PPM1H: variants seen among roughly 807,000 people sequenced by gnomAD.
The protein encoded by PPM1H is protein phosphatase 1H.
PPM1H carries 27 observed loss-of-function variants against 54.9 expected under a neutral mutation model. The observed-to-expected ratio is 0.49, with a 90% CI of 0.36 to 0.68. The LOEUF is 0.68. PPM1H is among the 30% of genes least tolerant of loss of function. The pLI is 0.00. For synonymous variants in PPM1H, 305 were observed against 270.8 expected, an observed-to-expected ratio of 1.13 and a Z score of -1.24; for missense variants, 596 against 667.8, an observed-to-expected ratio of 0.89 and a Z score of 1.19.
intron 6 of PPM1H, among the ~76,000 whole-genome samples, chr12:62,703,564 C>T (rs995479560): frequency 2.6e-5 from 4 of 151,950 alleles, no homozygotes; most frequent in Non-Finnish European, 5.9e-5. Flanking sequence ...CCCCTTCTTG[C>T]CTTTCTATAA....
intron 4 of PPM1H, among the ~76,000 whole-genome samples, chr12:62,742,831 C>T (rs937865591): frequency 6.6e-6 from 1 of 152,126 alleles, no homozygotes; most frequent in African/African-American, 2.4e-5. Context: ...GCAATCACCT[C>T]CCACCCAATA....
chr12:62,725,623 C>T (rs1214946373), intron 5 of PPM1H, among the ~76,000 whole-genome samples: 2 of 152,170 alleles, frequency 1.3e-5, no homozygotes, highest in Non-Finnish European at 2.9e-5. Context: ...CATAAAGTCT[C>T]CTGTGTCATG....
chr12:62,704,455 A>ATGAT (rs1354580651), intron 6 of PPM1H, among the ~76,000 whole-genome samples: 1 of 152,204 alleles, frequency 6.6e-6, no homozygotes, highest in Non-Finnish European at 1.5e-5. Context: ...TCTGAATGAT[A>ATGAT]TGATCCCTGG....
At chr12:62,724,910 A>G (rs1389246068) in intron 5 of PPM1H, among the ~76,000 whole-genome samples, 1 of 152,158 alleles carries the variant, frequency 6.6e-6, no homozygotes, top group Non-Finnish European at 1.5e-5. Context: ...TTAGAATCCA[A>G]CTGCTCTCAT....
intron 1 of PPM1H, among the ~76,000 whole-genome samples, chr12:62,918,892 C>G (rs534556715): frequency 5.3e-5 from 8 of 152,276 alleles, no homozygotes; most frequent in African/African-American, 1.9e-4. Flanking sequence ...CACAAATTAT[C>G]AATCGAAGCT....
chr12:62,654,294 G>A (rs375879840), intron 9 of PPM1H, among the ~76,000 whole-genome samples: 1 of 149,560 alleles, frequency 6.7e-6, no homozygotes, highest in Non-Finnish European at 1.5e-5. Flanking sequence ...GGAGATAGGC[G>A]AGTGGGCACA....
chr12:62,920,060 C>A (rs1871745206), intron 1 of PPM1H, among the ~76,000 whole-genome samples: 1 of 152,172 alleles, frequency 6.6e-6, no homozygotes, highest in South Asian at 2.1e-4. Flanking sequence ...TTCTGGACAC[C>A]TGGTTCTAAC....
At chr12:62,805,670 C>A (rs11174656) in intron 2 of PPM1H, among the ~76,000 whole-genome samples, 13,429 of 152,034 alleles carry the variant, frequency 0.088, 650 homozygotes, top group Middle Eastern at 0.11. Flanking sequence ...AGCAGAGAGT[C>A]GAATGGTGGT....
chr12:62,893,309 C>T (rs368331041), intron 1 of PPM1H, among the ~76,000 whole-genome samples: 77 of 152,308 alleles, frequency 5.1e-4, no homozygotes, highest in African/African-American at 1.9e-3. Context: ...AAAAGTCCAA[C>T]ATCAAGATGT....
At chr12:62,810,342 T>C (rs337517) in intron 2 of PPM1H, among the ~76,000 whole-genome samples, 24,937 of 151,890 alleles carry the variant, frequency 0.16, 3,034 homozygotes, top group African/African-American at 0.35. Context: ...AAATAAGGAG[T>C]CTGCATCTGG....
chr12:62,867,564 ATTTTTTTTTTTTTT>A (rs34772338), intron 1 of PPM1H, among the ~76,000 whole-genome samples: 36 of 55,374 alleles, frequency 6.5e-4, no homozygotes, highest in Middle Eastern at 0.016. Context: ...TATGAGCACT[ATTTTTTTTTTTTTT>A]TTTTTTTTTT....
intron 9 of PPM1H, among the ~76,000 whole-genome samples, chr12:62,654,573 C>CCGCTTGGT (rs995504319): frequency 6.6e-6 from 1 of 152,204 alleles, no homozygotes; most frequent in African/African-American, 2.4e-5. Context: ...GGCCGCTTGG[C>CCGCTTGGT]CGCTTGGTCC....
At chr12:62,759,282 G>A (rs888515452) in intron 4 of PPM1H, among the ~76,000 whole-genome samples, 1 of 152,198 alleles carries the variant, frequency 6.6e-6, no homozygotes, top group Non-Finnish European at 1.5e-5. Flanking sequence ...ACTCCATGAA[G>A]AGATCCACCT....
intron 1 of PPM1H, among the ~76,000 whole-genome samples, chr12:62,890,528 G>T (rs1045471242): frequency 2.0e-5 from 3 of 151,984 alleles, no homozygotes; most frequent in African/African-American, 7.3e-5. Flanking sequence ...AAATAAAAGG[G>T]TTCCTGAACA....
chr12:62,928,361 A>T (rs954361843), intron 1 of PPM1H, among the ~76,000 whole-genome samples: 1 of 152,230 alleles, frequency 6.6e-6, no homozygotes, highest in Non-Finnish European at 1.5e-5. Flanking sequence ...ACTCTTTGCC[A>T]TAACATTATG....
intron 1 of PPM1H, among the ~76,000 whole-genome samples, chr12:62,867,564 A>ACTT: frequency 1.8e-5 from 1 of 55,372 alleles, no homozygotes; most frequent in Middle Eastern, 0.016. Context: ...TATGAGCACT[A>ACTT]TTTTTTTTTT....
At chr12:62,672,160 C>A (rs1470465869) in intron 8 of PPM1H, among the ~76,000 whole-genome samples, 2 of 152,282 alleles carry the variant, frequency 1.3e-5, no homozygotes, top group African/African-American at 4.8e-5. Context: ...GAGAGTGATA[C>A]ACAGCATCTG....
At chr12:62,917,238 A>G (rs1871653396) in intron 1 of PPM1H, among the ~76,000 whole-genome samples, 1 of 152,256 alleles carries the variant, frequency 6.6e-6, no homozygotes, top group Non-Finnish European at 1.5e-5. Flanking sequence ...CGGCAATTTA[A>G]CGGCCAAAGT....
intron 6 of PPM1H, among the ~76,000 whole-genome samples, chr12:62,710,612 C>T (rs2076201610): frequency 6.6e-6 from 1 of 151,428 alleles, no homozygotes; most frequent in Non-Finnish European, 1.5e-5. Context: ...GGGCTGGCAA[C>T]GGGCTTCCTG....
Sources: allele counts gnomAD v4.1 joint callset (sites outside exome capture counted in the v4.1 genomes callset), GRCh38; gene constraint gnomAD v4.1.1; transcripts MANE v1.5; gene names NCBI Gene and HGNC (gene_info 2026-07-23, HGNC 2026-07-21).